The following KCNG3 variants were observed in gnomAD, a reference collection of about 807,000 sequenced individuals.
KCNG3 encodes voltage-gated potassium channel regulatory subunit KCNG3.
KCNG3 carries 15 observed loss-of-function variants against 29.0 expected under a neutral mutation model. That is an observed-to-expected ratio of 0.52 (90% CI 0.35 to 0.80). The LOEUF (loss-of-function observed/expected upper bound fraction) is 0.80, where lower values mean the gene tolerates loss of function less well. Among genes scored for constraint, KCNG3 ranks in the 30% least tolerant of loss-of-function variants. The pLI, the probability that KCNG3 is intolerant of heterozygous loss-of-function variation, is 0.01. For synonymous variants in KCNG3, 322 were observed against 248.9 expected, an observed-to-expected ratio of 1.29 and a Z score of -2.76; for missense variants, 512 against 605.7, an observed-to-expected ratio of 0.85 and a Z score of 1.62.
the KCNG3 span, among the ~76,000 whole-genome samples, chr2:42,409,208 C>T: frequency 3.9e-5 from 6 of 151,944 alleles, no homozygotes; most frequent in African/African-American, 7.3e-5. Context: ...ATGACTCCAG[C>T]GGGCCCGAGC....
the KCNG3 span, among the ~76,000 whole-genome samples, chr2:42,435,938 G>C: frequency 1.3e-5 from 2 of 152,186 alleles, no homozygotes; most frequent in Non-Finnish European, 2.9e-5. Context: ...ATTTGTACAT[G>C]AATGTCATAG....
chr2:42,487,528 A>G (rs974777037), intron 1 of KCNG3, among the ~76,000 whole-genome samples: 2 of 152,080 alleles, frequency 1.3e-5, no homozygotes, highest in African/African-American at 4.8e-5. Context: ...ACTCCTCAAT[A>G]TATGTAAAGA....
At chr2:42,461,182 CAAA>C (rs34199989) in intron 1 of KCNG3, among the ~76,000 whole-genome samples, 1,380 of 56,516 alleles carry the variant, frequency 0.024, 57 homozygotes, top group African/African-American at 0.085. Context: ...CAAAACAAAA[CAAA>C]AAAAAAAAAA....
intron 1 of KCNG3, among the ~76,000 whole-genome samples, chr2:42,487,311 T>C (rs1673749677): frequency 6.6e-6 from 1 of 150,910 alleles, no homozygotes; most frequent in African/African-American, 2.4e-5. Flanking sequence ...TTGCAACTAA[T>C]ATCATAAAAA....
chr2:42,469,149 T>C (rs1474555090), intron 1 of KCNG3, among the ~76,000 whole-genome samples: 1 of 151,994 alleles, frequency 6.6e-6, no homozygotes, highest in Admixed American at 6.6e-5. Context: ...CCGGGCGCAG[T>C]GGCTCACACT....
chr2:42,461,388 G>A (rs1201300551), intron 1 of KCNG3, among the ~76,000 whole-genome samples: 1 of 151,972 alleles, frequency 6.6e-6, no homozygotes, highest in African/African-American at 2.4e-5. Context: ...TTGAGAGTCA[G>A]AAACTCTCAA....
At chr2:42,445,445 T>G (rs1390138646) in intron 1 of KCNG3, among the ~76,000 whole-genome samples, 1 of 152,068 alleles carries the variant, frequency 6.6e-6, no homozygotes, top group African/African-American at 2.4e-5. Context: ...ACCGAGCAAG[T>G]TTATGGGGAA....
At chr2:42,471,615 T>C (rs1184601060) in intron 1 of KCNG3, among the ~76,000 whole-genome samples, 5 of 152,106 alleles carry the variant, frequency 3.3e-5, no homozygotes, top group South Asian at 4.1e-4. Context: ...AATTGTATAC[T>C]TGAAATGGTA....
chr2:42,463,729 G>C (rs1673075643), intron 1 of KCNG3: 1 of 195,026 alleles, frequency 5.1e-6, no homozygotes, highest in African/African-American at 2.4e-5. Flanking sequence ...CCACATGCAA[G>C]CTGATCCTCC....
downstream of KCNG3, among the ~76,000 whole-genome samples, chr2:42,439,652 A>ATT (rs34205032): frequency 0.015 from 2,203 of 148,202 alleles, 49 homozygotes; most frequent in African/African-American, 0.051. Flanking sequence ...ATAAAAAAAA[A>ATT]TTTTTTTTTT....
chr2:42,460,032 G>C lies in KCNG3; in HGVS notation c.666-15453C>G, dbSNP rs1326520702. Among the ~76,000 whole-genome samples, 3 of 150,978 alleles carry C rather than the reference G, an allele frequency of 2.0e-5. No individual in the cohort carries two copies. The East Asian group carries it at 5.9e-4, about 30-fold the overall frequency. On this transcript the variant is annotated intron_variant, in intron 1 of 1. Transcript: ENST00000306078. The stretch of plus-strand genomic sequence containing the variant: ...GGGAAACCAGATGAAGGGTAAAACA[G>C]AACTCTCTGTGCTGTTTTTGCAACT...
chr2:42,422,173 T>C, the KCNG3 span, among the ~76,000 whole-genome samples: 5 of 152,190 alleles, frequency 3.3e-5, no homozygotes, highest in African/African-American at 4.8e-5. Flanking sequence ...AAAGTTTATG[T>C]GTTGGAAAGT....
At chr2:42,445,860 G>A (rs1285005335) in intron 1 of KCNG3, among the ~76,000 whole-genome samples, 1 of 151,910 alleles carries the variant, frequency 6.6e-6, no homozygotes, top group East Asian at 1.9e-4. Flanking sequence ...TCCAGTAGCT[G>A]GGACTACAGG....
chr2:42,482,330 A>C (rs1019176915), intron 1 of KCNG3, among the ~76,000 whole-genome samples: 16 of 152,222 alleles, frequency 1.1e-4, no homozygotes, highest in Non-Finnish European at 2.9e-5. Context: ...TATAATCCCA[A>C]CACTTTGGGA....
At chr2:42,453,631 G>A (rs917126328) in intron 1 of KCNG3, among the ~76,000 whole-genome samples, 9 of 151,984 alleles carry the variant, frequency 5.9e-5, no homozygotes, top group Admixed American at 1.3e-4. Flanking sequence ...TAGGTAGTTT[G>A]CAAATATTTT....
chr2:42,436,440 T>C, the KCNG3 span, among the ~76,000 whole-genome samples: 4 of 152,230 alleles, frequency 2.6e-5, no homozygotes, highest in Admixed American at 6.5e-5. Context: ...ATTTATTTAG[T>C]TCCATTTTTA....
chr2:42,401,173 CAT>C, the KCNG3 span, among the ~76,000 whole-genome samples: 1 of 148,422 alleles, frequency 6.7e-6, no homozygotes, highest in Non-Finnish European at 1.5e-5. Context: ...CTGGTGTATA[CAT>C]GTTTATATGT....
At chr2:42,436,593 G>C in the KCNG3 span, among the ~76,000 whole-genome samples, 1 of 152,218 alleles carries the variant, frequency 6.6e-6, no homozygotes, top group African/African-American at 2.4e-5. Flanking sequence ...TCTTGGCATG[G>C]TGAAGACATG....
the KCNG3 span, among the ~76,000 whole-genome samples, chr2:42,402,378 C>T: frequency 1.3e-5 from 2 of 152,160 alleles, no homozygotes; most frequent in African/African-American, 4.8e-5. Flanking sequence ...AATACAAATA[C>T]TTTCCTTTTA....
Sources: gnomAD v4.1 joint callset for allele counts (sites outside exome capture counted in the v4.1 genomes callset) on GRCh38, gnomAD v4.1.1 for gene constraint, MANE v1.5 for transcripts, NCBI Gene and HGNC (gene_info 2026-07-23, HGNC 2026-07-21) for gene names.